The following MMRN1 variants were observed in gnomAD, a reference collection of about 807,000 sequenced individuals.
MMRN1 encodes multimerin 1.
A neutral mutation model predicts 100.7 loss-of-function variants in MMRN1; 94 were observed. That is an observed-to-expected ratio of 0.93 (90% CI 0.79 to 1.11). The LOEUF is 1.11. MMRN1 is among the 50% of genes least tolerant of loss of function. The pLI is 0.00. For missense variants in MMRN1, 1,606 were observed against 1,439.1 expected (o/e 1.12, Z -1.88); for synonymous variants, 575 against 505.0 (o/e 1.14, Z -1.86).
At position 89,912,155 on chromosome 4, in the gene MMRN1, G is replaced by A. The variant is rs75943295; in HGVS notation, c.850+105G>A. 0.032 allele frequency: 22,981 copies of A among 709,044 alleles called. 479 individuals carry two copies. The highest frequency in any genetic ancestry group is 0.042 in the Non-Finnish European group (18,897 of 455,320). 43.9% of individuals were successfully genotyped at this position (709,044 alleles called of 1,614,324 possible). A position where few individuals can be genotyped will look rare whatever the true frequency, so the allele number is the denominator to read the frequency against. ...TTGAACCAAGGTAAATTAACATGTAGCCAAACTCCTAGGACTGTTATACTT... is the reference window on the plus strand; with the variant it reads ...TTGAACCAAGGTAAATTAACATGTAACCAAACTCCTAGGACTGTTATACTT... On this transcript the variant is annotated intron_variant, in intron 3 of 7. Coordinates refer to ENST00000264790, the MANE Select transcript of MMRN1 (RefSeq NM_007351.3).
At chr4:89,919,192 T>A (rs2110609050) in intron 3 of MMRN1, among the ~76,000 whole-genome samples, 1 of 151,558 alleles carries the variant, frequency 6.6e-6, no homozygotes, top group East Asian at 1.9e-4. Context: ...AAAAAAGAAA[T>A]AATTTAAAAT....
At chr4:89,943,910 A>C (rs1722909125) in intron 6 of MMRN1, among the ~76,000 whole-genome samples, 1 of 151,870 alleles carries the variant, frequency 6.6e-6, no homozygotes, top group Non-Finnish European at 1.5e-5. Flanking sequence ...TGAACCCAGG[A>C]GGAGGAGGTT....
chr4:89,947,530 C>T (rs1224124101), intron 6 of MMRN1, among the ~76,000 whole-genome samples: 1 of 152,050 alleles, frequency 6.6e-6, no homozygotes, highest in African/African-American at 2.4e-5. Context: ...GAACATGATC[C>T]CTGACCTCAT....
intron 3 of MMRN1, among the ~76,000 whole-genome samples, chr4:89,916,038 A>T (rs146114473): frequency 1.4e-4 from 21 of 151,788 alleles, no homozygotes; most frequent in South Asian, 1.2e-3. Context: ...AGCATCAATC[A>T]ACGAGGCTCT....
intron 5 of MMRN1, among the ~76,000 whole-genome samples, chr4:89,928,451 T>A (rs918911290): frequency 1.3e-5 from 2 of 152,172 alleles, no homozygotes; most frequent in African/African-American, 4.8e-5. Flanking sequence ...CCAGCTATTA[T>A]TAATATTAAA....
chr4:89,940,453 A>G (rs1722786885), intron 6 of MMRN1, among the ~76,000 whole-genome samples: 1 of 151,942 alleles, frequency 6.6e-6, no homozygotes, highest in Non-Finnish European at 1.5e-5. Flanking sequence ...ATGTGAATAT[A>G]TGCTATTTAA....
chr4:89,900,349 T>C (rs1185436056), intron 1 of MMRN1, among the ~76,000 whole-genome samples: 5 of 152,092 alleles, frequency 3.3e-5, no homozygotes, highest in Admixed American at 3.3e-4. Flanking sequence ...CAAGTTAATA[T>C]CTCAAAGGAA....
At chr4:89,939,115 A>G (rs1168751324) in intron 6 of MMRN1, among the ~76,000 whole-genome samples, 2 of 152,104 alleles carry the variant, frequency 1.3e-5, no homozygotes, top group Admixed American at 1.3e-4. Flanking sequence ...GTAAGAATAG[A>G]ACAATTGCAG....
chr4:89,940,547 A>C (rs1329018977), intron 6 of MMRN1, among the ~76,000 whole-genome samples: 1 of 152,118 alleles, frequency 6.6e-6, no homozygotes, highest in Non-Finnish European at 1.5e-5. Flanking sequence ...CTCTGCATAG[A>C]GGCAGCTGTG....
intron 3 of MMRN1, among the ~76,000 whole-genome samples, chr4:89,914,029 T>G (rs1016754804): frequency 2.6e-5 from 4 of 151,444 alleles, no homozygotes; most frequent in African/African-American, 7.3e-5. Flanking sequence ...AATGGCTGAA[T>G]TTTCTATTAG....
chr4:89,880,495 G>T (rs1720793632), intron 1 of MMRN1, among the ~76,000 whole-genome samples: 1 of 152,058 alleles, frequency 6.6e-6, no homozygotes, highest in Non-Finnish European at 1.5e-5. Context: ...CAGAAAATCT[G>T]CAAGTTGTCC....
At chr4:89,892,008 T>C (rs534573595), upstream of MMRN1, among the ~76,000 whole-genome samples, 1 of 152,080 alleles carries the variant, frequency 6.6e-6, no homozygotes, top group South Asian at 2.1e-4. Context: ...ATTTATATTT[T>C]CTTTTAACTT....
At chr4:89,913,360 A>G (rs1721814713) in intron 3 of MMRN1, among the ~76,000 whole-genome samples, 2 of 151,342 alleles carry the variant, frequency 1.3e-5, no homozygotes, top group Non-Finnish European at 3.0e-5. Flanking sequence ...GGTTGTTATT[A>G]CACATCTTAT....
chr4:89,940,480 A>G (rs1364537376), intron 6 of MMRN1, among the ~76,000 whole-genome samples: 1 of 151,164 alleles, frequency 6.6e-6, no homozygotes, highest in Non-Finnish European at 1.5e-5. Context: ...AAAAATGAGG[A>G]CCTAGTGAAT....
In MMRN1 at chr4:89,935,907, C is replaced by A; in HGVS notation, c.2227C>A (p.Gln743Lys). Residue 743 changes from glutamine (Q) to lysine (K), a missense_variant, in exon 6 of 8, where the codon CAA (glutamine) becomes AAA (lysine). Gln to Lys is a moderately conservative substitution (Grantham distance 53, BLOSUM62 1). Transcript: ENST00000264790. The part of the protein sequence containing the change: ...TIINNAIDFI[Q>K]DNYALKETLS... ...TATAAATAATGCTATTGATTTCATTCAAGATAACTATGCCCTAAAAGAGAC... is the reference window on the plus strand; with the variant it reads ...TATAAATAATGCTATTGATTTCATTAAAGATAACTATGCCCTAAAAGAGAC... 2 of 1,608,908 alleles carry A rather than the reference C, an allele frequency of 1.2e-6. No individual in the cohort carries two copies. Among genetic ancestry groups the A allele is most frequent in the Non-Finnish European group, 1.7e-6 (2 of 1,177,732 alleles).
rs17855885 is a variant in MMRN1 at position 89,936,571 on chromosome 4, C to G, written c.2891C>G (p.Thr964Arg). Reference protein sequence around the residue: ...PDIQLLQKGLTEFVEPIIQIK... With the variant: ...PDIQLLQKGLREFVEPIIQIK... ...ATTCAACTTCTTCAGAAAGGTCTAA[C>G]AGAATTTGTGGAACCAATAATTCAA... Residue 964 changes from threonine to arginine, a missense_variant, in exon 6 of 8, where the codon ACA becomes AGA. By Grantham distance (71) the Thr-to-Arg change is moderately conservative. Transcript: ENST00000264790. 1.8e-4 allele frequency: 292 copies of G among 1,612,398 alleles called. No individual in the cohort carries two copies. The East Asian group carries it at 6.0e-3, about 33-fold the overall frequency.
intron 6 of MMRN1, among the ~76,000 whole-genome samples, chr4:89,946,241 C>T (rs1004516097): frequency 3.9e-5 from 6 of 152,056 alleles, no homozygotes; most frequent in Non-Finnish European, 4.4e-5. Context: ...GGGCATGTTA[C>T]CTAGGAGCAG....
chr4:89,937,081 A>T (rs574504768), intron 6 of MMRN1, among the ~76,000 whole-genome samples: 1 of 152,092 alleles, frequency 6.6e-6, no homozygotes, highest in Non-Finnish European at 1.5e-5. Flanking sequence ...CCTATGGAAC[A>T]ATTTGCTTTG....
At position 89,935,669 on chromosome 4, in the gene MMRN1, G is replaced by A. The variant is rs774807040; in HGVS notation, c.1989G>A (p.Met663Ile). 5.6e-6 allele frequency: 9 copies of A among 1,613,212 alleles called. 1 individual carries two copies. In the South Asian group the frequency reaches 8.8e-5, roughly 16 times the overall value. ...LEQGASLRQT[M>I]TYEQPKEAIV... ...AGGGAGCATCACTCAGACAGACAAT[G>A]ACATATGAACAACCAAAGGAAGCAA... Residue 663 changes from methionine to isoleucine, a missense_variant, in exon 6 of 8, where the codon ATG becomes ATA. Met to Ile is a conservative substitution (Grantham distance 10, BLOSUM62 1). Transcript: ENST00000264790.
Sources: gnomAD v4.1 joint callset for allele counts (sites outside exome capture counted in the v4.1 genomes callset) on GRCh38, gnomAD v4.1.1 for gene constraint, MANE v1.5 for transcripts, NCBI Gene and HGNC (gene_info 2026-07-23, HGNC 2026-07-21) for gene names.